COX19: variants seen among roughly 807,000 people sequenced by gnomAD.
The protein encoded by COX19 is cytochrome c oxidase assembly protein COX19.
Under a neutral mutation model 6.8 loss-of-function variants are expected in COX19, and 8 were observed. The ratio of observed to expected loss-of-function variants is 1.18; its 90% CI spans 0.69 to 2.12. COX19 has a LOEUF of 2.12. Ranked by LOEUF, COX19 falls within the 30% of genes most tolerant of loss-of-function variation. The probability of loss-of-function intolerance (pLI) is 0.00; values close to 1 mark genes in which losing one functional copy is unlikely to be tolerated. For missense variants in COX19, 131 were observed against 104.6 expected, an observed-to-expected ratio of 1.25 and a Z score of -1.10; for synonymous variants, 51 against 38.0, an observed-to-expected ratio of 1.34 and a Z score of -1.26.
intron 2 of COX19, among the ~76,000 whole-genome samples, chr7:972,232 T>C (rs1360557204): frequency 1.3e-5 from 2 of 152,212 alleles, no homozygotes; most frequent in South Asian, 4.1e-4. Flanking sequence ...AGTGTGGCCC[T>C]TGGACAAATG....
At chr7:971,729 G>C (rs933233368) in intron 2 of COX19, among the ~76,000 whole-genome samples, 16 of 152,254 alleles carry the variant, frequency 1.1e-4, no homozygotes, top group Admixed American at 3.9e-4. Flanking sequence ...AAATTAGCCG[G>C]GCAAGGTGGC....
Position 965,757 on chromosome 7 carries a change from G to A in COX19, c.*3621C>T, listed in dbSNP as rs559966521. Among the ~76,000 whole-genome samples, 65 of 152,090 alleles carry A rather than the reference G, an allele frequency of 4.3e-4. No homozygotes were observed. Among genetic ancestry groups the A allele is most frequent in the African/African-American group, 1.1e-3 (45 of 41,410 alleles). ...CTGGTTTAGGCAATTCTCCCACCTCGGCCTCCCGAATAGCTGGATTACAGA... is the reference window on the plus strand; with the variant it reads ...CTGGTTTAGGCAATTCTCCCACCTCAGCCTCCCGAATAGCTGGATTACAGA... On this transcript the variant is annotated 3_prime_UTR_variant, in exon 3 of 3. Transcript: ENST00000344111.
rs1271384209 is a variant in COX19 at position 965,851 on chromosome 7, C to G, written c.*3527G>C. Among the ~76,000 whole-genome samples the G allele has an allele frequency of 6.6e-6, 1 of 152,198 alleles. No individual in the cohort carries two copies. The highest frequency in any genetic ancestry group is 1.5e-5 in the Non-Finnish European group (1 of 68,034). ...ACAGGGTTTCTCCATGTTGGCCAGG[C>G]TGGCCTTGAACTCCTGGCCTCAAGT... is the stretch of plus-strand genomic sequence containing the variant. On this transcript the variant is annotated 3_prime_UTR_variant, in exon 3 of 3. Coordinates refer to ENST00000344111, the MANE Select transcript of COX19 (RefSeq NM_001031617.3).
chr7:975,441 C>A lies in COX19; in HGVS notation c.69G>T (p.Pro23=). The stretch of plus-strand genomic sequence containing the variant: ...TCCGCCGCTCACCTAAGTGATCCAG[C>A]GGGAAGCTGCCCTTGTCCGGGGGCC... ...QPRPPDKGSF[P]LDHLGECKSF... The change falls in exon 1 of 3, where the codon CCG becomes CCT. Residue 23 remains proline (P), a synonymous_variant. Transcript: ENST00000344111. 3 of 1,597,354 alleles carry A rather than the reference C, an allele frequency of 1.9e-6. No homozygotes were observed. The highest frequency in any genetic ancestry group is 2.6e-6 in the Non-Finnish European group (3 of 1,173,812).
At chr7:975,316 C>T in intron 1 of COX19, 112 bp downstream of exon 1, 1 of 806,174 alleles carries the variant, frequency 1.2e-6, no homozygotes, top group Non-Finnish European at 1.9e-6. Flanking sequence ...CGCCGTGCCT[C>T]AGTTTCCCCG....
At position 967,773 on chromosome 7, in the gene COX19, CTG is replaced by C. The variant is rs1847579670; in HGVS notation, c.*1603_*1604del. On this transcript the variant is annotated 3_prime_UTR_variant, in exon 3 of 3. Coordinates refer to ENST00000344111, the MANE Select transcript of COX19 (RefSeq NM_001031617.3). ...TGCCCATCAGTTCCAGCTCCTCCTTCTGGATTTCTCGTTTGTAGTTTCCTGTG... is the reference window on the plus strand; with the variant it reads ...TGCCCATCAGTTCCAGCTCCTCCTTCGATTTCTCGTTTGTAGTTTCCTGTG... The C allele has an allele frequency of 6.6e-6, 1 of 152,386 alleles. No individual in the cohort carries two copies. Among genetic ancestry groups the C allele is most frequent in the African/African-American group, 2.4e-5 (1 of 41,478 alleles). The allele number at this position is 152,386 out of a possible 1,614,324, so 9.4% of individuals were successfully genotyped here. A position where few individuals can be genotyped will look rare whatever the true frequency, so the allele number is the denominator to read the frequency against.
chr7:971,784 T>C (rs1236771988), intron 2 of COX19, among the ~76,000 whole-genome samples: 4 of 152,172 alleles, frequency 2.6e-5, no homozygotes, highest in African/African-American at 9.7e-5. Context: ...GGTGGGAGAA[T>C]GGGGTGAACC....
intron 2 of COX19, among the ~76,000 whole-genome samples, chr7:971,667 C>A (rs1216462966): frequency 6.6e-6 from 1 of 152,046 alleles, no homozygotes. Flanking sequence ...GTCAGGAGAT[C>A]CAGACCATCC....
At chr7:969,484 G>C in intron 2 of COX19, 28 bp from the exon 3 acceptor site, 2 of 1,478,808 alleles carry the variant, frequency 1.4e-6, no homozygotes, top group Non-Finnish European at 1.9e-6. Flanking sequence ...AGCTGTCAGG[G>C]CGGGAGGTGC....
In COX19 at chr7:966,352, C is replaced by G. The variant is rs1001313388; in HGVS notation, c.*3026G>C. On this transcript the variant is annotated 3_prime_UTR_variant, in exon 3 of 3. Coordinates refer to ENST00000344111, the MANE Select transcript of COX19 (RefSeq NM_001031617.3). ...TTGTTTTGTAGAGACAGGGTTTCACCCATGTTGCCCAGGCTGGTCTTGAAC... is the reference window on the plus strand; with the variant it reads ...TTGTTTTGTAGAGACAGGGTTTCACGCATGTTGCCCAGGCTGGTCTTGAAC... 5.9e-5 allele frequency: 9 copies of G among 152,192 alleles called. No individual in the cohort carries two copies. Among genetic ancestry groups the G allele is most frequent in the African/African-American group, 1.9e-4 (8 of 41,492 alleles). 9.4% of individuals were successfully genotyped at this position (152,192 alleles called of 1,614,324 possible).
rs1392100094 is a variant in COX19 at position 969,459 on chromosome 7, A to G, written c.195-3T>C. 6.3e-7 allele frequency: 1 copy of G among 1,592,450 alleles called. No homozygotes were observed. The highest frequency in any genetic ancestry group is 8.6e-7 in the Non-Finnish European group (1 of 1,160,934). On this transcript the variant is annotated splice_polypyrimidine_tract_variant and splice_region_variant and intron_variant, in intron 2 of 2. Coordinates refer to ENST00000344111, the MANE Select transcript of COX19 (RefSeq NM_001031617.3). ...ATGGTTCTTGTAGCATCAATTTTCT[A>G]AAAGAAAAAGAGAAAGCTGTCAGGG...
chr7:974,657 TTTTC>T (rs1181620765), intron 1 of COX19, among the ~76,000 whole-genome samples: 41 of 152,168 alleles, frequency 2.7e-4, no homozygotes, highest in African/African-American at 8.2e-4. Flanking sequence ...TTTTCTTTTC[TTTTC>T]TTTCTTTTTT....
At position 967,334 on chromosome 7, in the gene COX19, G is replaced by A. The variant is rs542574946; in HGVS notation, c.*2044C>T. 6.6e-6 allele frequency: 1 copy of A among 152,352 alleles called. No homozygotes were observed. Among genetic ancestry groups the A allele is most frequent in the South Asian group, 2.1e-4 (1 of 4,830 alleles). 9.4% of individuals were successfully genotyped at this position (152,352 alleles called of 1,614,324 possible). ...TTTCTCTATCCAGTTACCTTTGTAC[G>A]TTAGAAAAGCAGGAGCTCAATACAC... On this transcript the variant is annotated 3_prime_UTR_variant, in exon 3 of 3. Transcript: ENST00000344111.
rs1317838244 is a variant in COX19 at position 968,888 on chromosome 7, A to G, written c.*490T>C. ...AAGAAGTCAATCCATCCAAAGCCAGAAGGTTCTCACTTCCTACTTTGTGTT... is the reference window on the plus strand; with the variant it reads ...AAGAAGTCAATCCATCCAAAGCCAGGAGGTTCTCACTTCCTACTTTGTGTT... On this transcript the variant is annotated 3_prime_UTR_variant, in exon 3 of 3. Coordinates refer to ENST00000344111, the MANE Select transcript of COX19 (RefSeq NM_001031617.3). 1 of 152,238 alleles carries G rather than the reference A, an allele frequency of 6.6e-6. No homozygotes were observed. Among genetic ancestry groups the G allele is most frequent in the African/African-American group, 2.4e-5 (1 of 41,318 alleles). 9.4% of individuals were successfully genotyped at this position (152,238 alleles called of 1,614,324 possible). A position where few individuals can be genotyped will look rare whatever the true frequency, so the allele number is the denominator to read the frequency against.
intron 1 of COX19, chr7:975,084 C>G (rs1420301264): frequency 3.6e-6 from 1 of 279,332 alleles, no homozygotes; most frequent in East Asian, 6.8e-5. Flanking sequence ...GTCTAAGCCT[C>G]GGCTGCAGCT....
At chr7:970,378 C>G (rs574308955) in intron 2 of COX19, among the ~76,000 whole-genome samples, 1 of 151,402 alleles carries the variant, frequency 6.6e-6, no homozygotes, top group Non-Finnish European at 1.5e-5. Flanking sequence ...CATGTGATTA[C>G]CCACCTTGGT....
chr7:970,129 C>A (rs138059743), intron 2 of COX19, among the ~76,000 whole-genome samples: 3 of 151,934 alleles, frequency 2.0e-5, no homozygotes, highest in Non-Finnish European at 2.9e-5. Flanking sequence ...TGCCACCATG[C>A]GTGGCTAATT....
At chr7:970,083 G>A (rs909882136) in intron 2 of COX19, among the ~76,000 whole-genome samples, 4 of 150,062 alleles carry the variant, frequency 2.7e-5, no homozygotes, top group African/African-American at 7.4e-5. Flanking sequence ...TGATCCTCCC[G>A]CCTCAGCCTC....
Position 969,444 on chromosome 7 carries a change from T to G in COX19, c.207A>C (p.Leu69=). ...ATCCCAGTTTCTCCAATGGTTCTTG[T>G]AGCATCAATTTTCTAAAAGAAAAAG... ...LECRMERKLM[L]QEPLEKLGFG... Residue 69 remains leucine, a synonymous_variant, in exon 3 of 3, where the codon CTA becomes CTC. Coordinates refer to ENST00000344111, the MANE Select transcript of COX19 (RefSeq NM_001031617.3). The G allele has an allele frequency of 6.2e-7, 1 of 1,606,818 alleles. No homozygotes were observed. Among genetic ancestry groups the G allele is most frequent in the African/African-American group, 1.3e-5 (1 of 74,936 alleles).
Sources: gnomAD v4.1 joint callset for allele counts (sites outside exome capture counted in the v4.1 genomes callset) on GRCh38, gnomAD v4.1.1 for gene constraint, MANE v1.5 for transcripts, NCBI Gene and HGNC (gene_info 2026-07-23, HGNC 2026-07-21) for gene names.